The following DDX17 variants were observed in gnomAD, a reference collection of about 807,000 sequenced individuals.
DDX17 encodes the protein DEAD-box helicase 17.
DDX17 carries 10 observed loss-of-function variants against 80.8 expected under a neutral mutation model. The observed-to-expected ratio is 0.12, with a 90% CI of 0.08 to 0.21. The LOEUF (loss-of-function observed/expected upper bound fraction) is 0.21, where lower values mean the gene tolerates loss of function less well. DDX17 is among the 10% of genes least tolerant of loss of function. The pLI is 1.00. For synonymous variants in DDX17, 339 were observed against 336.2 expected, an observed-to-expected ratio of 1.01 and a Z score of -0.09; for missense variants, 586 against 957.4, an observed-to-expected ratio of 0.61 and a Z score of 5.12.
rs563850429 is a variant in DDX17, at chr22:38,506,251, C to T, written c.-14G>A. ...GCCGGTGGGCAGGTTTGGCTACGCT[C>T]AAACCGGGCAGTGCCGCGGTTTAGG... On this transcript the variant is annotated 5_prime_UTR_variant, in exon 1 of 13. Coordinates refer to ENST00000403230, the MANE Select transcript of DDX17 (RefSeq NM_006386.5). 6.7e-5 allele frequency: 107 copies of T among 1,593,446 alleles called. No homozygotes were observed. The South Asian group carries it at 1.1e-3, about 16-fold the overall frequency.
rs1401148439 is a variant in DDX17, at chr22:38,485,250, T to C, written c.*685A>G. 6.6e-6 allele frequency: 1 copy of C among 152,062 alleles called. No individual in the cohort carries two copies. Among genetic ancestry groups the C allele is most frequent in the African/African-American group, 2.4e-5 (1 of 41,410 alleles). The allele number at this position is 152,062 out of a possible 1,614,324, so 9.4% of individuals were successfully genotyped here. On this transcript the variant is annotated 3_prime_UTR_variant, in exon 13 of 13. Transcript: ENST00000403230. ...TTAAAGGATACACAAAACTCAGCAA[T>C]TCAATTTCTAGCCTGACACTAAAAT... is the stretch of plus-strand genomic sequence containing the variant.
intron 8 of DDX17, 169 bp from the exon 9 acceptor site, chr22:38,494,300 T>C (rs1201554889): frequency 3.3e-6 from 2 of 599,706 alleles, no homozygotes; most frequent in African/African-American, 1.9e-5. Flanking sequence ...GCTCAAGAAA[T>C]ACTAACTCAT....
chr22:38,499,519 G>T lies in DDX17; in HGVS notation c.439-20C>A, dbSNP rs201879767. 3 of 790,948 alleles carry T rather than the reference G, an allele frequency of 3.8e-6. No homozygotes were observed. Among genetic ancestry groups the T allele is most frequent in the Non-Finnish European group, 5.3e-6 (3 of 562,854 alleles). The allele number at this position is 790,948 out of a possible 1,614,324, so 49.0% of individuals were successfully genotyped here. On this transcript the variant is annotated intron_variant, in intron 2 of 12. Transcript: ENST00000403230. The stretch of plus-strand genomic sequence containing the variant: ...CTCATACTATTGAAAAAAAATGAAA[G>T]AAGTTAGTAAACTAGTTATTCTAAA...
intron 2 of DDX17, among the ~76,000 whole-genome samples, chr22:38,499,726 AAAGAT>A (rs1290058695): frequency 5.9e-5 from 9 of 152,208 alleles, no homozygotes; most frequent in Non-Finnish European, 1.5e-5. Context: ...ATAGGAGAAA[AAAGAT>A]AAGTAACTTG....
Position 38,506,295 on chromosome 22 carries a change from C to T in DDX17, c.-58G>A, listed in dbSNP as rs993309031. Reference sequence around the variant, plus strand: ...GTTTAGGCGTCTCCTTCCTTCCCAGCGACTGCACAAAATGGCGGCCGCCGC... The same window carrying T: ...GTTTAGGCGTCTCCTTCCTTCCCAGTGACTGCACAAAATGGCGGCCGCCGC... On this transcript the variant is annotated 5_prime_UTR_variant, in exon 1 of 13. Transcript: ENST00000403230. 1 of 1,494,230 alleles carries T rather than the reference C, an allele frequency of 6.7e-7. No homozygotes were observed. 92.6% of individuals were successfully genotyped at this position (1,494,230 alleles called of 1,614,324 possible). A position where few individuals can be genotyped will look rare whatever the true frequency, so the allele number is the denominator to read the frequency against.
chr22:38,491,741 C>A, intron 11 of DDX17: 1 of 265,962 alleles, frequency 3.8e-6, no homozygotes, highest in Non-Finnish European at 7.0e-6. Context: ...CAGAGAGAAG[C>A]TGAGCCATTC....
chr22:38,499,575 G>A, intron 2 of DDX17, 76 bp from the exon 3 acceptor site: 1 of 1,165,110 alleles, frequency 8.6e-7, no homozygotes, highest in Non-Finnish European at 1.3e-6. Context: ...AGCTAGCTGA[G>A]CAATTATCCA....
At position 38,486,290 on chromosome 22, in the gene DDX17, C is replaced by G; in HGVS notation, c.1835G>C (p.Gly612Ala). The G allele has an allele frequency of 6.2e-7, 1 of 1,614,204 alleles. No homozygotes were observed. The highest frequency in any genetic ancestry group is 8.5e-7 in the Non-Finnish European group (1 of 1,180,042). The change falls in exon 13 of 13, where the codon GGT (glycine) becomes GCT (alanine). Residue 612 changes from glycine to alanine, a missense_variant. Around this residue, in one of 4 missense-constraint regions of DDX17, gnomAD observed 221 missense variants for 261.4 expected, o/e 0.85. Transcript: ENST00000403230. ...TCCATAGCCACTGCCATTAGCATAACCAGCTCTATCGGTTTCACTACGATC... is the reference window on the plus strand; with the variant it reads ...TCCATAGCCACTGCCATTAGCATAAGCAGCTCTATCGGTTTCACTACGATC...
chr22:38,493,012 A>G (rs1469220125), intron 10 of DDX17, among the ~76,000 whole-genome samples: 2 of 152,236 alleles, frequency 1.3e-5, no homozygotes, highest in Admixed American at 1.3e-4. Flanking sequence ...GAGGGTGGTG[A>G]AAGTTGTGAA....
chr22:38,485,931 G>A lies in DDX17; in HGVS notation c.*4C>T, dbSNP rs754625127. The A allele has an allele frequency of 1.2e-6, 2 of 1,613,458 alleles. No individual in the cohort carries two copies. Among genetic ancestry groups the A allele is most frequent in the African/African-American group, 2.7e-5 (2 of 74,858 alleles). On this transcript the variant is annotated 3_prime_UTR_variant, in exon 13 of 13. Coordinates refer to ENST00000403230, the MANE Select transcript of DDX17 (RefSeq NM_006386.5). ...CTGCTGGAGTCACTACCACTTGAGT[G>A]GTTTCATTTACGTGAAGGAGGAGGA...
Position 38,505,942 on chromosome 22 carries a change from C to A in DDX17, c.287+9G>T, listed in dbSNP as rs757782593. 10 of 1,564,498 alleles carry A rather than the reference C, an allele frequency of 6.4e-6. No homozygotes were observed. Among genetic ancestry groups the A allele is most frequent in the African/African-American group, 4.1e-5 (3 of 73,528 alleles). On this transcript the variant is annotated intron_variant, in intron 1 of 12. Transcript: ENST00000403230. The stretch of plus-strand genomic sequence containing the variant: ...ACGCCAGGCCTCTCCTCTCCTCCCC[C>A]ACCCTTACCCTCCACGGTCACGATC...
intron 10 of DDX17, chr22:38,493,483 GC>G: frequency 2.0e-6 from 1 of 492,784 alleles, no homozygotes. Context: ...CACCAACGGT[GC>G]CCAGTCCAGG....
rs142084574 is a variant in DDX17 at position 38,493,947 on chromosome 22, C to T, written c.1325+74G>A. The T allele has an allele frequency of 4.9e-5, 65 of 1,319,910 alleles. No individual in the cohort carries two copies. The Middle Eastern group carries it at 7.4e-4, about 15-fold the overall frequency. 81.8% of individuals were successfully genotyped at this position (1,319,910 alleles called of 1,614,324 possible). A position where few individuals can be genotyped will look rare whatever the true frequency, so the allele number is the denominator to read the frequency against. On this transcript the variant is annotated intron_variant, in intron 9 of 12. Coordinates refer to ENST00000403230, the MANE Select transcript of DDX17 (RefSeq NM_006386.5). ...TAGGCATTATTGAAATATTACACAA[C>T]ATTTGGAATACCAATTTAGAAATTT...
At chr22:38,490,197 T>TG in intron 11 of DDX17, 2 of 1,202,324 alleles carry the variant, frequency 1.7e-6, no homozygotes, top group South Asian at 3.0e-5. Flanking sequence ...ACTGCCACAA[T>TG]ATTATCTTGC....
chr22:38,495,662 A>T, intron 6 of DDX17, 134 bp downstream of exon 6: 2 of 664,056 alleles, frequency 3.0e-6, no homozygotes, highest in Non-Finnish European at 4.8e-6. Flanking sequence ...TAGCTGTTTT[A>T]GTCACATCTG....
At position 38,489,016 on chromosome 22, in the gene DDX17, A is replaced by G; in HGVS notation, c.1448-901T>C. The G allele has an allele frequency of 1.0e-6, 1 of 985,288 alleles. No individual in the cohort carries two copies. Among genetic ancestry groups the G allele is most frequent in the Non-Finnish European group, 1.2e-6 (1 of 829,808 alleles). 61.0% of individuals were successfully genotyped at this position (985,288 alleles called of 1,614,324 possible). On this transcript the variant is annotated intron_variant, in intron 11 of 12. Coordinates refer to ENST00000403230, the MANE Select transcript of DDX17 (RefSeq NM_006386.5). This position sits in a 1 kb window ranked among gnomAD's most constrained non-coding sequence, Gnocchi z 4.6. ...TGGGAATTGGGCTGAATAACCTCCT[A>G]AGGCTTAAAATGTAAATGTTAGTGT...
At position 38,489,758 on chromosome 22, in the gene DDX17, T is replaced by C; in HGVS notation, c.1448-1643A>G. On this transcript the variant is annotated intron_variant, in intron 11 of 12. Coordinates refer to ENST00000403230, the MANE Select transcript of DDX17 (RefSeq NM_006386.5). This position sits in a 1 kb window ranked among gnomAD's most constrained non-coding sequence, Gnocchi z 4.6. Reference sequence around the variant, plus strand: ...CACACCAGAAAGACGAGAAGGCACTTATCACAGGGGGCAGCTTGAGTCTCC... The same window carrying C: ...CACACCAGAAAGACGAGAAGGCACTCATCACAGGGGGCAGCTTGAGTCTCC... 1 of 985,426 alleles carries C rather than the reference T, an allele frequency of 1.0e-6. No homozygotes were observed. The highest frequency in any genetic ancestry group is 1.2e-6 in the Non-Finnish European group (1 of 830,004). The allele number at this position is 985,426 out of a possible 1,614,324, so 61.0% of individuals were successfully genotyped here. A position where few individuals can be genotyped will look rare whatever the true frequency, so the allele number is the denominator to read the frequency against.
Position 38,506,077 on chromosome 22 carries a change from A to C in DDX17, c.161T>G (p.Val54Gly), listed in dbSNP as rs1214838976. 2 of 1,581,882 alleles carry C rather than the reference A, an allele frequency of 1.3e-6. No individual in the cohort carries two copies. The highest frequency in any genetic ancestry group is 1.9e-5 in the Admixed American group (1 of 53,930). The change falls in exon 1 of 13, where the codon GTC becomes GGC. Residue 54 changes from valine (V) to glycine (G), a missense_variant. Transcript: ENST00000403230. ...GAGGGCCTGCGGCTCCGGTCTGGTG[A>C]CGACCGATGGCGGCGGCGCCTCCGC...
rs16998989 is a variant in DDX17, at chr22:38,483,490, G to C, written c.*2445C>G. On this transcript the variant is annotated 3_prime_UTR_variant, in exon 13 of 13. Transcript: ENST00000403230. ...CCTACAAAAAGAAAACAAGATGATG[G>C]TATCAAAAGGACAATTTACAAACTA... 1 of 152,526 alleles carries C rather than the reference G, an allele frequency of 6.6e-6. No homozygotes were observed. Among genetic ancestry groups the C allele is most frequent in the South Asian group, 2.1e-4 (1 of 4,824 alleles). The allele number at this position is 152,526 out of a possible 1,614,324, so 9.4% of individuals were successfully genotyped here. A position where few individuals can be genotyped will look rare whatever the true frequency, so the allele number is the denominator to read the frequency against.
Sources: allele counts gnomAD v4.1 joint callset (sites outside exome capture counted in the v4.1 genomes callset), GRCh38; gene constraint gnomAD v4.1.1; regional missense constraint gnomAD v4.1.1; non-coding constraint Gnocchi (gnomAD v3.1); transcripts MANE v1.5; gene names NCBI Gene and HGNC (gene_info 2026-07-23, HGNC 2026-07-21).